The following CTNND2 variants were observed in gnomAD, a reference collection of about 807,000 sequenced individuals.
CTNND2 encodes catenin delta 2.
A neutral mutation model predicts 144.4 loss-of-function variants in CTNND2; 22 were observed. That is an observed-to-expected ratio of 0.15 (90% CI 0.11 to 0.22). CTNND2 has a LOEUF of 0.22. Ranked by LOEUF, CTNND2 falls within the 10% of genes least tolerant of loss-of-function variation. The probability of loss-of-function intolerance (pLI) is 1.00; values close to 1 mark genes in which losing one functional copy is unlikely to be tolerated. For synonymous variants in CTNND2, 751 were observed against 695.6 expected (o/e 1.08, Z -1.25); for missense variants, 1,353 against 1,618.8 (o/e 0.84, Z 2.82).
intron 15 of CTNND2, among the ~76,000 whole-genome samples, chr5:11,086,478 T>C (rs1750156930): frequency 6.6e-6 from 1 of 152,238 alleles, no homozygotes; most frequent in Admixed American, 6.5e-5. Flanking sequence ...GCTTGCAGAC[T>C]GACGGGACTG....
rs1745515623 is a variant in CTNND2, at chr5:11,267,047, T to A, written c.1629-30224A>T. 2.0e-5 allele frequency among the ~76,000 whole-genome samples: 3 copies of A among 152,088 alleles called. No individual in the cohort carries two copies. In the South Asian group the frequency reaches 6.2e-4, roughly 32 times the overall value. On this transcript the variant is annotated intron_variant, in intron 9 of 21. Transcript: ENST00000304623. The stretch of plus-strand genomic sequence containing the variant: ...GCGCCCGCCACCACGCCCGGCTAAT[T>A]TTTGTATTTTTAGTAGAGATGGGTT...
intron 3 of CTNND2, among the ~76,000 whole-genome samples, chr5:11,547,038 G>A (rs1184937705): frequency 6.6e-6 from 1 of 152,142 alleles, no homozygotes; most frequent in East Asian, 1.9e-4. Flanking sequence ...GGAGGCCGAA[G>A]TGGGTGGATC....
intron 2 of CTNND2, among the ~76,000 whole-genome samples, chr5:11,674,608 C>G (rs981261270): frequency 2.0e-5 from 3 of 152,212 alleles, no homozygotes; most frequent in Non-Finnish European, 4.4e-5. Flanking sequence ...TAACAACATG[C>G]ATAGATAAAC....
At chr5:11,746,674 T>G (rs1185180204) in intron 1 of CTNND2, among the ~76,000 whole-genome samples, 2 of 152,172 alleles carry the variant, frequency 1.3e-5, no homozygotes, top group Non-Finnish European at 2.9e-5. Context: ...CATCCCCTAA[T>G]TAGTTCATGA....
At chr5:11,477,137 TC>T (rs1003728157) in intron 3 of CTNND2, among the ~76,000 whole-genome samples, 1 of 152,242 alleles carries the variant, frequency 6.6e-6, no homozygotes, top group African/African-American at 2.4e-5. Context: ...TACGGGCAGG[TC>T]TTTTATAGCC....
intron 2 of CTNND2, among the ~76,000 whole-genome samples, chr5:11,622,179 T>A (rs974406566): frequency 6.6e-6 from 1 of 152,062 alleles, no homozygotes; most frequent in African/African-American, 2.4e-5. Flanking sequence ...TGGTAAAAAA[T>A]CATGCAAGTT....
intron 18 of CTNND2, among the ~76,000 whole-genome samples, chr5:10,992,934 C>T (rs1379890413): frequency 1.3e-5 from 2 of 152,118 alleles, no homozygotes; most frequent in Non-Finnish European, 2.9e-5. Context: ...TTTACAAACC[C>T]GCTCTGGTCA....
intron 2 of CTNND2, among the ~76,000 whole-genome samples, chr5:11,626,786 C>T (rs1379134968): frequency 2.0e-5 from 3 of 152,190 alleles, no homozygotes; most frequent in Admixed American, 6.5e-5. Flanking sequence ...AAACTTCACA[C>T]GCAAATCGGA....
Position 10,992,632 on chromosome 5 carries a change from C to G in CTNND2, c.3130G>C (p.Glu1044Gln). The change falls in exon 19 of 22, where the codon GAG becomes CAG. Residue 1044 changes from glutamate (E) to glutamine (Q), a missense_variant. By Grantham distance (29) the Glu-to-Gln change is conservative (BLOSUM62 2). Coordinates refer to ENST00000304623, the MANE Select transcript of CTNND2 (RefSeq NM_001332.4). ...YHFVASSSTIERDRQRPYSSS... is the reference protein window; with the variant it reads ...YHFVASSSTIQRDRQRPYSSS... ...GAGTAGGGCCTTTGCCGGTCCCTCT[C>G]GATGGTTGAAGACGAGGCTACAAAG... The G allele has an allele frequency of 6.2e-7, 1 of 1,614,098 alleles. No individual in the cohort carries two copies.
At chr5:11,107,098 T>C (rs998081378) in intron 14 of CTNND2, among the ~76,000 whole-genome samples, 2 of 152,184 alleles carry the variant, frequency 1.3e-5, no homozygotes, top group Non-Finnish European at 1.5e-5. Context: ...CTGTCTGATA[T>C]GGCCTCTAAC....
At chr5:11,350,993 T>C (rs1435197525) in intron 8 of CTNND2, among the ~76,000 whole-genome samples, 1 of 152,198 alleles carries the variant, frequency 6.6e-6, no homozygotes. Flanking sequence ...TGGCATTGAG[T>C]AAAATGACAT....
At chr5:11,892,542 C>T (rs1737054483) in intron 1 of CTNND2, among the ~76,000 whole-genome samples, 2 of 152,052 alleles carry the variant, frequency 1.3e-5, no homozygotes, top group African/African-American at 4.8e-5. Context: ...TATTTTCCCT[C>T]ATAATCCACA....
chr5:11,479,202 A>G (rs1768019924), intron 3 of CTNND2, among the ~76,000 whole-genome samples: 1 of 152,054 alleles, frequency 6.6e-6, no homozygotes. Context: ...CTTCGTGTCC[A>G]TGTGTTCTCA....
intron 2 of CTNND2, among the ~76,000 whole-genome samples, chr5:11,694,055 C>T (rs1041408704): frequency 3.3e-5 from 5 of 152,194 alleles, no homozygotes; most frequent in Non-Finnish European, 7.3e-5. Context: ...GTAGGGCACA[C>T]TGCAGCTTTC....
At position 11,117,564 on chromosome 5, in the gene CTNND2, A is replaced by G. The variant is rs1360352306; in HGVS notation, c.2163T>C (p.Asn721=). The change falls in exon 13 of 22, where the codon AAT becomes AAC. Residue 721 remains asparagine (N), a synonymous_variant. Coordinates refer to ENST00000304623, the MANE Select transcript of CTNND2 (RefSeq NM_001332.4). ...GGGCCTCCTCTCCGGCCGAACTAAC[A>G]TTCCTGCAAAGCAAAAGGACACGTC... ...VLRNATGCLR[N]VSSAGEEARR... 2 of 1,613,578 alleles carry G rather than the reference A, an allele frequency of 1.2e-6. No homozygotes were observed. The highest frequency in any genetic ancestry group is 1.3e-5 in the African/African-American group (1 of 75,024).
At chr5:11,781,217 AG>A (rs1176832096) in intron 1 of CTNND2, among the ~76,000 whole-genome samples, 1 of 77,328 alleles carries the variant, frequency 1.3e-5, no homozygotes, top group Non-Finnish European at 3.2e-5. Flanking sequence ...CAACTGACAG[AG>A]GAGGGATCTA....
intron 11 of CTNND2, among the ~76,000 whole-genome samples, chr5:11,189,487 C>T (rs1338198162): frequency 6.6e-6 from 1 of 152,102 alleles, no homozygotes; most frequent in Admixed American, 6.5e-5. Context: ...AGAATGAAGA[C>T]CTTATGAGGA....
chr5:11,302,101 C>T (rs1024093772), intron 9 of CTNND2, among the ~76,000 whole-genome samples: 1 of 152,176 alleles, frequency 6.6e-6, no homozygotes, highest in African/African-American at 2.4e-5. Flanking sequence ...CTTTCCTTGA[C>T]TTGTGCTTCT....
At chr5:11,399,950 G>GA (rs1208985296) in intron 5 of CTNND2, among the ~76,000 whole-genome samples, 1 of 152,180 alleles carries the variant, frequency 6.6e-6, no homozygotes, top group Non-Finnish European at 1.5e-5. Context: ...ACAGACATAT[G>GA]AAACACGTTA....
Sources: allele counts gnomAD v4.1 joint callset (sites outside exome capture counted in the v4.1 genomes callset), GRCh38; gene constraint gnomAD v4.1.1; transcripts MANE v1.5; gene names NCBI Gene and HGNC (gene_info 2026-07-23, HGNC 2026-07-21).